The following NCF2 variants were observed in gnomAD, a reference collection of about 807,000 sequenced individuals.
NCF2 encodes the protein neutrophil cytosolic factor 2, also known as neutrophil cytosol factor 2.
In NCF2, 45 loss-of-function variants were observed where a neutral mutation model predicts 70.9. The ratio of observed to expected loss-of-function variants is 0.63; its 90% CI spans 0.50 to 0.81. NCF2 has a LOEUF of 0.81. NCF2 is among the 40% of genes least tolerant of loss of function. The probability of loss-of-function intolerance (pLI) is 0.00; values close to 1 mark genes in which losing one functional copy is unlikely to be tolerated. For synonymous variants in NCF2, 203 were observed against 233.6 expected, an observed-to-expected ratio of 0.87 and a Z score of 1.19; for missense variants, 522 against 631.6, an observed-to-expected ratio of 0.83 and a Z score of 1.86.
At chr1:183,575,129 C>T (rs1385588296) in intron 3 of NCF2, among the ~76,000 whole-genome samples, 1 of 152,196 alleles carries the variant, frequency 6.6e-6, no homozygotes, top group Non-Finnish European at 1.5e-5. Context: ...ACCTCCTGTA[C>T]CAGCACCAGC....
intron 1 of NCF2, among the ~76,000 whole-genome samples, chr1:183,588,788 AGAAACAGAGACATGTGGGCCT>A (rs1452509470): frequency 1.3e-5 from 2 of 152,242 alleles, no homozygotes; most frequent in Non-Finnish European, 2.9e-5. Flanking sequence ...GAATGCCAGG[AGAAACAGAGACATGTGGGCCT>A]GAAGGCCTGG....
intron 12 of NCF2, 44 bp from the exon 13 acceptor site, chr1:183,563,350 C>G (rs1247498326): frequency 6.2e-7 from 1 of 1,613,810 alleles, no homozygotes; most frequent in Non-Finnish European, 8.5e-7. Flanking sequence ...AGAACATCAT[C>G]ACAAAAACCA....
At position 183,563,899 on chromosome 1, in the gene NCF2, C is replaced by T; in HGVS notation, c.1026+106G>A. 2.2e-6 allele frequency: 3 copies of T among 1,341,292 alleles called. No homozygotes were observed. The South Asian group carries it at 3.5e-5, about 16-fold the overall frequency. 83.1% of individuals were successfully genotyped at this position (1,341,292 alleles called of 1,614,324 possible). On this transcript the variant is annotated intron_variant, in intron 11 of 14. Coordinates refer to ENST00000367535, the MANE Select transcript of NCF2 (RefSeq NM_000433.4). ...TCTGTAAGGTAGCAACTGGTTCGACCCTCCCTTTGGGGCTCTTCCTATAAT... is the reference window on the plus strand; with the variant it reads ...TCTGTAAGGTAGCAACTGGTTCGACTCTCCCTTTGGGGCTCTTCCTATAAT...
the NCF2 span, among the ~76,000 whole-genome samples, chr1:183,601,406 A>G: frequency 6.6e-6 from 1 of 152,256 alleles, no homozygotes; most frequent in Non-Finnish European, 1.5e-5. Flanking sequence ...ACATCATTTC[A>G]CACGTCTGTA....
chr1:183,560,180 C>T lies in NCF2; in HGVS notation c.1384G>A (p.Val462Met), dbSNP rs1343852866. 1 of 1,614,204 alleles carries T rather than the reference C, an allele frequency of 6.2e-7. No individual in the cohort carries two copies. The highest frequency in any genetic ancestry group is 8.5e-7 in the Non-Finnish European group (1 of 1,180,046). The change falls in exon 14 of 15, where the codon GTG (valine) becomes ATG (methionine). Residue 462 changes from valine (V) to methionine (M), a missense_variant. By Grantham distance (21) the Val-to-Met change is conservative. Coordinates refer to ENST00000367535, the MANE Select transcript of NCF2 (RefSeq NM_000433.4). ...GCCTCATAACTGAAGAGTGCCTCCACTTGGCTGCCTTTCTTAAGCTGAGGT... is the reference window on the plus strand; with the variant it reads ...GCCTCATAACTGAAGAGTGCCTCCATTTGGCTGCCTTTCTTAAGCTGAGGT... Reference protein sequence around the residue: ...TEPQLKKGSQVEALFSYEATQ... With the variant: ...TEPQLKKGSQMEALFSYEATQ...
chr1:183,572,156 T>C (rs932834861), intron 5 of NCF2, among the ~76,000 whole-genome samples: 1 of 152,222 alleles, frequency 6.6e-6, no homozygotes, highest in Non-Finnish European at 1.5e-5. Context: ...TCAGACCATG[T>C]CTGAAAGAAT....
intron 12 of NCF2, 37 bp downstream of exon 12, chr1:183,563,397 C>G: frequency 6.2e-7 from 1 of 1,614,082 alleles, no homozygotes; most frequent in Non-Finnish European, 8.5e-7. Flanking sequence ...CACAAGGTTC[C>G]CACTGTACCC....
intron 2 of NCF2, among the ~76,000 whole-genome samples, chr1:183,578,546 A>T (rs943797475): frequency 6.6e-6 from 1 of 152,040 alleles, no homozygotes; most frequent in Non-Finnish European, 1.5e-5. Flanking sequence ...TTATATTTTA[A>T]GTAGAGACCA....
chr1:183,592,383 G>A (rs12086606), upstream of NCF2, among the ~76,000 whole-genome samples: 8 of 151,954 alleles, frequency 5.3e-5, no homozygotes, highest in Non-Finnish European at 1.2e-4. Context: ...ATCTAGCCCT[G>A]AACTCTGGGT....
chr1:183,593,195 C>T (rs1232184881), upstream of NCF2, among the ~76,000 whole-genome samples: 1 of 152,068 alleles, frequency 6.6e-6, no homozygotes, highest in Non-Finnish European at 1.5e-5. Context: ...TTGTATCCCC[C>T]AGGGCACTAG....
rs771120104 is a variant in NCF2 at position 183,573,281 on chromosome 1, T to C, written c.513A>G (p.Leu171=). Reference sequence around the variant, plus strand: ...CCACAGGGATCACCACTGGCTCATATAGCTTCTGCTTCTGTAACACAGAAA... The same window carrying C: ...CCACAGGGATCACCACTGGCTCATACAGCTTCTGCTTCTGTAACACAGAAA... ...KAMECVWKQK[L]YEPVVIPVGK... Residue 171 remains leucine, a synonymous_variant, in exon 5 of 15, where the codon CTA becomes CTG. Transcript: ENST00000367535. 3.7e-6 allele frequency: 6 copies of C among 1,614,084 alleles called. No homozygotes were observed. Among genetic ancestry groups the C allele is most frequent in the East Asian group, 2.2e-5 (1 of 44,882 alleles).
intron 2 of NCF2, among the ~76,000 whole-genome samples, chr1:183,583,879 T>C (rs536300413): frequency 3.9e-4 from 59 of 151,994 alleles, no homozygotes; most frequent in African/African-American, 1.3e-3. Context: ...TTTTTTTAAA[T>C]TTTTTTTTAT....
chr1:183,593,562 C>CTTTT, upstream of NCF2, among the ~76,000 whole-genome samples: 1 of 152,252 alleles, frequency 6.6e-6, no homozygotes, highest in South Asian at 2.1e-4. Context: ...TTCCTCCGCC[C>CTTTT]ATGTAACACT....
At chr1:183,573,594 G>A (rs1460229488) in intron 4 of NCF2, among the ~76,000 whole-genome samples, 2 of 152,038 alleles carry the variant, frequency 1.3e-5, no homozygotes, top group African/African-American at 4.8e-5. Flanking sequence ...ATGGTGTAGA[G>A]GGCACCACCA....
At chr1:183,570,397 C>T (rs562938452) in intron 6 of NCF2, among the ~76,000 whole-genome samples, 1 of 152,362 alleles carries the variant, frequency 6.6e-6, no homozygotes, top group African/African-American at 2.4e-5. Context: ...CCAGGCCCCA[C>T]AGGGTTCCCC....
At position 183,573,059 on chromosome 1, in the gene NCF2, G is replaced by A. The variant is rs1041250755; in HGVS notation, c.609+126C>T. ...AGCCAAACCTCTGTCCTATAAACAA[G>A]TCTCTCATTGCCATCCCAGGGACAG... On this transcript the variant is annotated intron_variant, in intron 5 of 14. Transcript: ENST00000367535. The A allele has an allele frequency of 5.8e-5, 50 of 859,964 alleles. No homozygotes were observed. The African/African-American group carries it at 7.6e-4, about 13-fold the overall frequency. 53.3% of individuals were successfully genotyped at this position (859,964 alleles called of 1,614,324 possible).
At chr1:183,572,750 T>C (rs1042723381) in intron 5 of NCF2, among the ~76,000 whole-genome samples, 2 of 152,144 alleles carry the variant, frequency 1.3e-5, no homozygotes, top group East Asian at 3.9e-4. Flanking sequence ...AGTGATCCTC[T>C]CACCTCAGCC....
chr1:183,561,475 T>G (rs1672045110), intron 13 of NCF2, among the ~76,000 whole-genome samples: 1 of 152,182 alleles, frequency 6.6e-6, no homozygotes, highest in South Asian at 2.1e-4. Context: ...AAGAATTCAA[T>G]GAGATGACAT....
the NCF2 span, among the ~76,000 whole-genome samples, chr1:183,599,843 G>A: frequency 4.6e-5 from 7 of 152,164 alleles, no homozygotes; most frequent in South Asian, 2.1e-4. Context: ...GTGAGCCACC[G>A]TACCCTGCCC....
Sources: allele counts gnomAD v4.1 joint callset (sites outside exome capture counted in the v4.1 genomes callset), GRCh38; gene constraint gnomAD v4.1.1; transcripts MANE v1.5; gene names NCBI Gene and HGNC (gene_info 2026-07-23, HGNC 2026-07-21).